Variants in GALNT18 observed in about 807,000 individuals in gnomAD.
GALNT18 encodes GalNAc-transferase 18.
Under a neutral mutation model 69.5 loss-of-function variants are expected in GALNT18, and 44 were observed. That is an observed-to-expected ratio of 0.63 (90% CI 0.50 to 0.81). The LOEUF is 0.81. Among genes scored for constraint, GALNT18 ranks in the 40% least tolerant of loss-of-function variants. GALNT18 has a pLI of 0.00. For synonymous variants in GALNT18, 364 were observed against 318.2 expected (o/e 1.14, Z -1.53); for missense variants, 715 against 810.0 (o/e 0.88, Z 1.42).
At chr11:11,527,357 G>A (rs1306565685) in intron 1 of GALNT18, among the ~76,000 whole-genome samples, 1 of 152,166 alleles carries the variant, frequency 6.6e-6, no homozygotes, top group African/African-American at 2.4e-5. Flanking sequence ...TTTTACCCCT[G>A]CAGATACTTG....
At position 11,366,716 on chromosome 11, in the gene GALNT18, G is replaced by C. The variant is rs756984415; in HGVS notation, c.1092+5799C>G. ...AGCAGCAGACAAAGCCAGTGTAGGG[G>C]GTAAGGGGATTTTTGATATCTAGTG... On this transcript the variant is annotated intron_variant, in intron 6 of 10. Transcript: ENST00000227756. Among the ~76,000 whole-genome samples the C allele has an allele frequency of 5.9e-5, 9 of 152,080 alleles. No homozygotes were observed. The East Asian group carries it at 1.7e-3, about 29-fold the overall frequency.
chr11:11,527,028 C>T (rs2133936626), intron 1 of GALNT18, among the ~76,000 whole-genome samples: 1 of 152,234 alleles, frequency 6.6e-6, no homozygotes, highest in African/African-American at 2.4e-5. Flanking sequence ...GATGCTTTCT[C>T]ATTTATAAAT....
In GALNT18 at chr11:11,292,774, AAAC is replaced by A. The variant is rs557157415; in HGVS notation, c.1677+252_1677+254del. Among the ~76,000 whole-genome samples the A allele has an allele frequency of 3.6e-3, 550 of 151,570 alleles. 1 individual carries two copies. The highest frequency in any genetic ancestry group is 4.6e-3 in the Non-Finnish European group (314 of 68,014). On this transcript the variant is annotated intron_variant, in intron 10 of 10. Coordinates refer to ENST00000227756, the MANE Select transcript of GALNT18 (RefSeq NM_198516.3). ...GTACAATAATAAAATCATTATAATA[AAAC>A]AACAACAATAATAATAAACTCCCTC...
At chr11:11,434,790 T>C (rs1855360841) in intron 2 of GALNT18, among the ~76,000 whole-genome samples, 2 of 152,206 alleles carry the variant, frequency 1.3e-5, no homozygotes, top group Admixed American at 1.3e-4. Flanking sequence ...GTATGCCTTC[T>C]GAAGCTCATC....
intron 1 of GALNT18, among the ~76,000 whole-genome samples, chr11:11,521,187 G>A (rs1857391130): frequency 6.6e-6 from 1 of 151,866 alleles, no homozygotes; most frequent in Non-Finnish European, 1.5e-5. Context: ...AATGAGCCCT[G>A]AATTAGTTGA....
At chr11:11,597,061 C>T (rs56933879) in intron 1 of GALNT18, among the ~76,000 whole-genome samples, 3,824 of 152,050 alleles carry the variant, frequency 0.025, 173 homozygotes, top group African/African-American at 0.088. Flanking sequence ...GATGATCATG[C>T]GGTTTTTATA....
intron 3 of GALNT18, among the ~76,000 whole-genome samples, chr11:11,397,583 C>T (rs1043790620): frequency 6.6e-6 from 1 of 152,172 alleles, no homozygotes; most frequent in Non-Finnish European, 1.5e-5. Context: ...CATGCCTCAG[C>T]CTCCCAAGTA....
chr11:11,328,226 T>A (rs959782356), intron 8 of GALNT18, among the ~76,000 whole-genome samples: 41 of 152,208 alleles, frequency 2.7e-4, no homozygotes, highest in Non-Finnish European at 4.4e-5. Context: ...GGAGTACCCA[T>A]GTCCAGCTGC....
chr11:11,425,937 A>T (rs895320297), intron 3 of GALNT18, among the ~76,000 whole-genome samples: 1 of 152,244 alleles, frequency 6.6e-6, no homozygotes, highest in Non-Finnish European at 1.5e-5. Flanking sequence ...AGGTTGAATC[A>T]TGCAGTCCCA....
At chr11:11,274,165 C>A (rs567054918) in intron 10 of GALNT18, among the ~76,000 whole-genome samples, 1 of 152,318 alleles carries the variant, frequency 6.6e-6, no homozygotes, top group Non-Finnish European at 1.5e-5. Flanking sequence ...AGATACTGTG[C>A]TTTTCCCACG....
Position 11,603,930 on chromosome 11 carries a change from A to C in GALNT18, c.235+17429T>G, listed in dbSNP as rs2133949960. On this transcript the variant is annotated intron_variant, in intron 1 of 10. Coordinates refer to ENST00000227756, the MANE Select transcript of GALNT18 (RefSeq NM_198516.3). The surrounding 1 kb of genome is among the most constrained non-coding windows in gnomAD (Gnocchi z 4.5). Reference sequence around the variant, plus strand: ...TCCTAACCCCTAAGTTGATGGAATTAGGAGGTAGGGCCTTTGGGAGGTGAT... The same window carrying C: ...TCCTAACCCCTAAGTTGATGGAATTCGGAGGTAGGGCCTTTGGGAGGTGAT... Among the ~76,000 whole-genome samples, 1 of 152,310 alleles carries C rather than the reference A, an allele frequency of 6.6e-6. No homozygotes were observed. Among genetic ancestry groups the C allele is most frequent in the South Asian group, 2.1e-4 (1 of 4,826 alleles).
Position 11,407,859 on chromosome 11 carries a change from G to A in GALNT18, c.595+24762C>T, listed in dbSNP as rs988704903. On this transcript the variant is annotated intron_variant, in intron 3 of 10. Coordinates refer to ENST00000227756, the MANE Select transcript of GALNT18 (RefSeq NM_198516.3). The stretch of plus-strand genomic sequence containing the variant: ...GCCATGGCTGCTCCACAGAAGAGAG[G>A]GAGGGAGGCCAGGGCAGAGCTCCCA... 1.1e-4 allele frequency among the ~76,000 whole-genome samples: 17 copies of A among 152,214 alleles called. 1 individual carries two copies. Among genetic ancestry groups the A allele is most frequent in the Non-Finnish European group, 1.5e-5 (1 of 68,042 alleles).
rs1859262347 is a variant in GALNT18, at chr11:11,587,834, T to C, written c.235+33525A>G. 6.6e-6 allele frequency among the ~76,000 whole-genome samples: 1 copy of C among 152,062 alleles called. No individual in the cohort carries two copies. ...CCTTTCATTTCATGAACCTCTTCTA[T>C]GGTCCAAAGAATAATAAGAACACAA... is the stretch of plus-strand genomic sequence containing the variant. On this transcript the variant is annotated intron_variant, in intron 1 of 10. Coordinates refer to ENST00000227756, the MANE Select transcript of GALNT18 (RefSeq NM_198516.3). The surrounding 1 kb of genome is among the most constrained non-coding windows in gnomAD (Gnocchi z 4.4).
chr11:11,390,758 C>A (rs1227700209), intron 3 of GALNT18, among the ~76,000 whole-genome samples: 1 of 152,170 alleles, frequency 6.6e-6, no homozygotes, highest in Non-Finnish European at 1.5e-5. Context: ...AAGCAGAACC[C>A]AAGTGTTCTC....
intron 10 of GALNT18, among the ~76,000 whole-genome samples, chr11:11,275,881 C>T (rs936007984): frequency 2.0e-5 from 3 of 152,116 alleles, no homozygotes; most frequent in African/African-American, 7.2e-5. Flanking sequence ...TGTTCTGTTC[C>T]ATTGGTCTAT....
rs1406702510 is a variant in GALNT18 at position 11,591,771 on chromosome 11, G to A, written c.235+29588C>T. On this transcript the variant is annotated intron_variant, in intron 1 of 10. Coordinates refer to ENST00000227756, the MANE Select transcript of GALNT18 (RefSeq NM_198516.3). The surrounding 1 kb of genome is among the most constrained non-coding windows in gnomAD (Gnocchi z 4.8). ...CAGATGTGCTCCCATACCCTTTGAA[G>A]GGACAAAAATACACACATTATCAGA... Among the ~76,000 whole-genome samples the A allele has an allele frequency of 6.6e-6, 1 of 152,176 alleles. No individual in the cohort carries two copies. The highest frequency in any genetic ancestry group is 1.5e-5 in the Non-Finnish European group (1 of 68,028).
chr11:11,373,337 A>T (rs541625417), intron 5 of GALNT18, among the ~76,000 whole-genome samples: 6 of 152,332 alleles, frequency 3.9e-5, no homozygotes, highest in African/African-American at 1.4e-4. Flanking sequence ...TTTTAAAGAC[A>T]TATTTTGATG....
chr11:11,499,446 T>G (rs1590054716), intron 1 of GALNT18, among the ~76,000 whole-genome samples: 1 of 143,068 alleles, frequency 7.0e-6, no homozygotes, highest in Non-Finnish European at 1.5e-5. Context: ...CTCCCCCACC[T>G]GTGGGCTCAA....
chr11:11,282,236 C>T (rs750567718), intron 10 of GALNT18, among the ~76,000 whole-genome samples: 2 of 152,138 alleles, frequency 1.3e-5, no homozygotes, highest in Non-Finnish European at 2.9e-5. Flanking sequence ...CTTCCTTTCC[C>T]ACACTCAGTG....
Sources: gnomAD v4.1 joint callset for allele counts (sites outside exome capture counted in the v4.1 genomes callset) on GRCh38, gnomAD v4.1.1 for gene constraint, Gnocchi (gnomAD v3.1) non-coding constraint, MANE v1.5 for transcripts, NCBI Gene and HGNC (gene_info 2026-07-23, HGNC 2026-07-21) for gene names.